The following TMED2 variants were observed in gnomAD, a reference collection of about 807,000 sequenced individuals.
TMED2 encodes transmembrane p24 trafficking protein 2, also known as transmembrane emp24 domain-containing protein 2.
In TMED2, 3 loss-of-function variants were observed where a neutral mutation model predicts 17.5. The ratio of observed to expected loss-of-function variants is 0.17; its 90% confidence interval spans 0.08 to 0.44. The LOEUF (loss-of-function observed/expected upper bound fraction) is 0.44, where lower values mean the gene tolerates loss of function less well. Ranked by LOEUF, TMED2 falls within the 20% of genes least tolerant of loss-of-function variation. The pLI, the probability that TMED2 is intolerant of heterozygous loss-of-function variation, is 0.99. For synonymous variants in TMED2, 95 were observed against 91.0 expected, an observed-to-expected ratio of 1.04 and a Z score of -0.25; for missense variants, 149 against 254.8, an observed-to-expected ratio of 0.58 and a Z score of 2.83.
At chr12:123,596,504 A>G (rs1953431808) in intron 3 of TMED2, 101 bp from the exon 4 acceptor site, 2 of 1,447,242 alleles carry the variant, frequency 1.4e-6, no homozygotes, top group Non-Finnish European at 9.2e-7. Flanking sequence ...TGGTGTACAC[A>G]ATATTACTTT....
chr12:123,588,189 T>G (rs1953365847), intron 2 of TMED2, among the ~76,000 whole-genome samples: 1 of 111,508 alleles, frequency 9.0e-6, no homozygotes, highest in Non-Finnish European at 2.0e-5. Context: ...TTGGTGGTGT[T>G]TTTTTTTGTT....
chr12:123,592,225 C>T (rs1422050512), intron 3 of TMED2, among the ~76,000 whole-genome samples: 1 of 152,242 alleles, frequency 6.6e-6, no homozygotes, highest in Admixed American at 6.5e-5. Flanking sequence ...CACTCTTAAT[C>T]TCACCAGCTG....
At position 123,586,915 on chromosome 12, in the gene TMED2, A is replaced by C; in HGVS notation, c.349A>C (p.Lys117Gln). ...CACCATTGATATTGGGGAGGCTCCA[A>C]AAGGACAAGATATGGAAACAGAAGG... ...MFTIDIGEAPKGQDMETEAHQ... is the reference protein window; with the variant it reads ...MFTIDIGEAPQGQDMETEAHQ... The change falls in exon 2 of 4, where the codon AAA becomes CAA. Residue 117 changes from lysine to glutamine, a missense_variant. Physicochemically the swap from Lys to Gln is moderately conservative, Grantham distance 53 (BLOSUM62 1). Transcript: ENST00000262225. 2 of 1,608,010 alleles carry C rather than the reference A, an allele frequency of 1.2e-6. No individual in the cohort carries two copies. Among genetic ancestry groups the C allele is most frequent in the South Asian group, 2.2e-5 (2 of 90,028 alleles).
intron 2 of TMED2, chr12:123,587,733 G>C (rs1193996990): frequency 9.1e-7 from 1 of 1,095,164 alleles, no homozygotes; most frequent in Non-Finnish European, 1.2e-6. Flanking sequence ...TGGCATGAGA[G>C]TGTTTTTTTC....
chr12:123,590,322 G>GT lies in TMED2; in HGVS notation c.374-16dup. The GT allele has an allele frequency of 7.2e-7, 1 of 1,388,318 alleles. No homozygotes were observed. The highest frequency in any genetic ancestry group is 2.6e-5 in the East Asian group (1 of 38,752). The allele number at this position is 1,388,318 out of a possible 1,614,324, so 86.0% of individuals were successfully genotyped here. ...AAAAAGACATTGACAAATGTGTTTTGTTTTCAAATCCTTCTATAGCTCACC... is the reference window on the plus strand; with the variant it reads ...AAAAAGACATTGACAAATGTGTTTTGTTTTTCAAATCCTTCTATAGCTCACC... On this transcript the variant is annotated intron_variant, in intron 2 of 3. Transcript: ENST00000262225.
intron 3 of TMED2, 48 bp downstream of exon 3, chr12:123,590,497 T>TTTTG (rs764488360): frequency 6.9e-7 from 1 of 1,449,022 alleles, no homozygotes; most frequent in Admixed American, 2.2e-5. Flanking sequence ...GTGAAGGTTG[T>TTTTG]TTTACTCAAC....
intron 1 of TMED2, chr12:123,585,111 T>C: frequency 2.9e-6 from 1 of 339,832 alleles, no homozygotes; most frequent in Non-Finnish European, 5.6e-6. Context: ...TCGCTGAGCT[T>C]TGTGAATCAG....
chr12:123,596,797 C>T lies in TMED2; in HGVS notation c.*68C>T. 4 of 1,443,878 alleles carry T rather than the reference C, an allele frequency of 2.8e-6. No homozygotes were observed. The highest frequency in any genetic ancestry group is 3.7e-6 in the Non-Finnish European group (4 of 1,090,692). The allele number at this position is 1,443,878 out of a possible 1,614,324, so 89.4% of individuals were successfully genotyped here. Reference sequence around the variant, plus strand: ...CCAAACACCTTGGTCATAATAATGTCATTAGTTTCTCCATTTTTATTTTCT... The same window carrying T: ...CCAAACACCTTGGTCATAATAATGTTATTAGTTTCTCCATTTTTATTTTCT... On this transcript the variant is annotated 3_prime_UTR_variant, in exon 4 of 4. Coordinates refer to ENST00000262225, the MANE Select transcript of TMED2 (RefSeq NM_006815.4).
At position 123,597,626 on chromosome 12, in the gene TMED2, G is replaced by A. The variant is rs1391096155; in HGVS notation, c.*897G>A. On this transcript the variant is annotated 3_prime_UTR_variant, in exon 4 of 4. Coordinates refer to ENST00000262225, the MANE Select transcript of TMED2 (RefSeq NM_006815.4). ...ATTTTATTTTTGATCAGTGGCCTTTGGGCCACTGTTCAGGGTACTGACCAT... is the reference window on the plus strand; with the variant it reads ...ATTTTATTTTTGATCAGTGGCCTTTAGGCCACTGTTCAGGGTACTGACCAT... 2 of 152,574 alleles carry A rather than the reference G, an allele frequency of 1.3e-5. No homozygotes were observed. Among genetic ancestry groups the A allele is most frequent in the Non-Finnish European group, 2.9e-5 (2 of 68,032 alleles). 9.5% of individuals were successfully genotyped at this position (152,574 alleles called of 1,614,324 possible).
At chr12:123,594,236 G>A (rs910877628) in intron 3 of TMED2, among the ~76,000 whole-genome samples, 2 of 151,152 alleles carry the variant, frequency 1.3e-5, no homozygotes, top group South Asian at 2.1e-4. Context: ...CCAGGTTCAC[G>A]CCATTCTCCT....
intron 3 of TMED2, among the ~76,000 whole-genome samples, chr12:123,593,941 A>G (rs1953411631): frequency 6.7e-6 from 1 of 149,666 alleles, no homozygotes; most frequent in Non-Finnish European, 1.5e-5. Flanking sequence ...AACTACAGGC[A>G]TGTGCCACTA....
rs1953441420 is a variant in TMED2 at position 123,597,697 on chromosome 12, C to G, written c.*968C>G. The stretch of plus-strand genomic sequence containing the variant: ...TGGTTTTTGTTTCTTTTGGGTCTTT[C>G]TTTTTTGGCACATGTGAATCTTGTT... On this transcript the variant is annotated 3_prime_UTR_variant, in exon 4 of 4. Coordinates refer to ENST00000262225, the MANE Select transcript of TMED2 (RefSeq NM_006815.4). The G allele has an allele frequency of 6.6e-6, 1 of 152,490 alleles. No individual in the cohort carries two copies. The highest frequency in any genetic ancestry group is 2.1e-4 in the South Asian group (1 of 4,822). The allele number at this position is 152,490 out of a possible 1,614,324, so 9.4% of individuals were successfully genotyped here. A position where few individuals can be genotyped will look rare whatever the true frequency, so the allele number is the denominator to read the frequency against.
intron 1 of TMED2, chr12:123,585,124 G>A: frequency 3.4e-6 from 1 of 298,134 alleles, no homozygotes; most frequent in Non-Finnish European, 6.5e-6. Flanking sequence ...TGAATCAGGC[G>A]CCGCGTGTCA....
chr12:123,592,608 T>G (rs1953399894), intron 3 of TMED2, among the ~76,000 whole-genome samples: 1 of 152,240 alleles, frequency 6.6e-6, no homozygotes, highest in African/African-American at 2.4e-5. Context: ...ACAAAGCAAA[T>G]GGTTCCCATA....
At chr12:123,594,499 T>C (rs1953415897) in intron 3 of TMED2, among the ~76,000 whole-genome samples, 2 of 152,188 alleles carry the variant, frequency 1.3e-5, no homozygotes, top group South Asian at 4.1e-4. Flanking sequence ...GGCTTGTGCC[T>C]GTAGTCTTAG....
rs751168160 is a variant in TMED2 at position 123,586,739 on chromosome 12, G to T, written c.181-8G>T. The T allele has an allele frequency of 8.2e-6, 13 of 1,576,188 alleles. No individual in the cohort carries two copies. Among genetic ancestry groups the T allele is most frequent in the Non-Finnish European group, 1.1e-5 (13 of 1,159,762 alleles). On this transcript the variant is annotated splice_polypyrimidine_tract_variant and splice_region_variant and intron_variant, in intron 1 of 3. Coordinates refer to ENST00000262225, the MANE Select transcript of TMED2 (RefSeq NM_006815.4). Reference sequence around the variant, plus strand: ...GTGACATTTTATGCATTTCTCTCTTGCCTCCAGATTACAGGACCAGATAAC... The same window carrying T: ...GTGACATTTTATGCATTTCTCTCTTTCCTCCAGATTACAGGACCAGATAAC...
rs1014134750 is a variant in TMED2 at position 123,584,597 on chromosome 12, A to G, written c.-40A>G. ...GCGGCGGCGGCGGCGGCGGCTGTGG[A>G]GGCCGCAGTCCGGGTCCTGGCTTCG... On this transcript the variant is annotated 5_prime_UTR_variant, in exon 1 of 4. Coordinates refer to ENST00000262225, the MANE Select transcript of TMED2 (RefSeq NM_006815.4). The G allele has an allele frequency of 1.8e-5, 28 of 1,587,588 alleles. No homozygotes were observed. The highest frequency in any genetic ancestry group is 2.7e-5 in the African/African-American group (2 of 74,030).
intron 3 of TMED2, among the ~76,000 whole-genome samples, chr12:123,592,691 A>G (rs1046591642): frequency 8.5e-5 from 13 of 152,356 alleles, no homozygotes; most frequent in African/African-American, 3.1e-4. Flanking sequence ...CTTTCACTAC[A>G]GTGTTGTAAT....
chr12:123,587,099 TAAAA>T (rs1003453567), intron 2 of TMED2, 160 bp downstream of exon 2: 1 of 610,784 alleles, frequency 1.6e-6, no homozygotes, highest in South Asian at 5.3e-5. Context: ...TCCTAATTAA[TAAAA>T]AAGTTTCTTG....
Sources: gnomAD v4.1 joint callset for allele counts (sites outside exome capture counted in the v4.1 genomes callset) on GRCh38, gnomAD v4.1.1 for gene constraint, MANE v1.5 for transcripts, NCBI Gene and HGNC (gene_info 2026-07-23, HGNC 2026-07-21) for gene names.